The following MAML2 variants were observed in gnomAD, a reference collection of about 807,000 sequenced individuals.
MAML2 encodes mastermind-like protein 2.
In MAML2, 22 loss-of-function variants were observed where a neutral mutation model predicts 96.1. The ratio of observed to expected loss-of-function variants is 0.23; its 90% CI spans 0.16 to 0.33. The LOEUF (loss-of-function observed/expected upper bound fraction) is 0.33. MAML2 is among the 10% of genes least tolerant of loss of function. MAML2 has a pLI of 1.00. For missense variants in MAML2, 1,367 were observed against 1,392.4 expected (o/e 0.98, Z 0.29); for synonymous variants, 561 against 521.3 (o/e 1.08, Z -1.04).
At chr11:96,182,912 A>G (rs1022868416) in intron 1 of MAML2, among the ~76,000 whole-genome samples, 6 of 151,842 alleles carry the variant, frequency 4.0e-5, no homozygotes, top group Non-Finnish European at 7.4e-5. Flanking sequence ...TGATGTAGCA[A>G]TAGAAAACTT....
At chr11:96,329,081 C>T (rs975242130) in intron 1 of MAML2, among the ~76,000 whole-genome samples, 1 of 151,794 alleles carries the variant, frequency 6.6e-6, no homozygotes, top group Non-Finnish European at 1.5e-5. Flanking sequence ...GAATATTTTC[C>T]TTTTTGTTTT....
intron 1 of MAML2, among the ~76,000 whole-genome samples, chr11:96,234,755 T>C (rs1862344228): frequency 6.6e-6 from 1 of 152,228 alleles, no homozygotes; most frequent in South Asian, 2.1e-4. Flanking sequence ...ACAAATATGG[T>C]TGCCTTTCAG....
chr11:96,248,673 A>G (rs1225721754), intron 1 of MAML2, among the ~76,000 whole-genome samples: 1 of 151,994 alleles, frequency 6.6e-6, no homozygotes, highest in Non-Finnish European at 1.5e-5. Flanking sequence ...ATGCCACTGT[A>G]TTTTTTATTT....
intron 1 of MAML2, among the ~76,000 whole-genome samples, chr11:96,115,472 GA>G (rs1860219455): frequency 1.0e-5 from 1 of 98,322 alleles, no homozygotes. Context: ...ACACCTGGCG[GA>G]TTTTTTTTTT....
chr11:96,158,383 G>C (rs1012402228), intron 1 of MAML2, among the ~76,000 whole-genome samples: 10 of 152,178 alleles, frequency 6.6e-5, no homozygotes, highest in African/African-American at 2.4e-4. Flanking sequence ...ATGCTGCCCA[G>C]GTTGACCATC....
chr11:96,178,809 A>T (rs1861435173), intron 1 of MAML2, among the ~76,000 whole-genome samples: 1 of 152,330 alleles, frequency 6.6e-6, no homozygotes, highest in African/African-American at 2.4e-5. Flanking sequence ...AACACGGATT[A>T]GATGTGAGGA....
intron 1 of MAML2, among the ~76,000 whole-genome samples, chr11:96,112,357 C>T (rs989973038): frequency 6.6e-6 from 1 of 152,238 alleles, no homozygotes; most frequent in Admixed American, 6.5e-5. Flanking sequence ...GAAGCATGAC[C>T]TGGGGCAGTG....
chr11:96,266,917 T>G (rs774490682), intron 1 of MAML2, among the ~76,000 whole-genome samples: 2 of 152,206 alleles, frequency 1.3e-5, no homozygotes, highest in Non-Finnish European at 2.9e-5. Context: ...TGAGGCTTAA[T>G]AAAACATAAC....
At chr11:96,331,404 T>C (rs1297138100) in intron 1 of MAML2, among the ~76,000 whole-genome samples, 1 of 152,190 alleles carries the variant, frequency 6.6e-6, no homozygotes, top group Non-Finnish European at 1.5e-5. Flanking sequence ...CTTAATCAAA[T>C]GACTACTTTT....
chr11:96,232,607 C>G (rs1440996201), intron 1 of MAML2, among the ~76,000 whole-genome samples: 1 of 152,088 alleles, frequency 6.6e-6, no homozygotes, highest in Non-Finnish European at 1.5e-5. Flanking sequence ...GTAGCTGGGA[C>G]TACAGGCGCC....
intron 2 of MAML2, among the ~76,000 whole-genome samples, chr11:96,078,780 C>G (rs375580894): frequency 1.3e-5 from 2 of 152,326 alleles, no homozygotes; most frequent in East Asian, 3.9e-4. Flanking sequence ...GCACATGAGA[C>G]CTGTCAGTAA....
rs566585811 is a variant in MAML2 at position 96,072,876 on chromosome 11, G to A, written c.2139+19016C>T. Among the ~76,000 whole-genome samples the A allele has an allele frequency of 5.9e-5, 9 of 152,234 alleles. No individual in the cohort carries two copies. The South Asian group carries it at 8.3e-4, about 14-fold the overall frequency. ...ACATGATAAACTCCATTTGTCACCC[G>A]CTTACATGTGCCTCCAAGACTAAAC... On this transcript the variant is annotated intron_variant, in intron 2 of 4. Coordinates refer to ENST00000524717, the MANE Select transcript of MAML2 (RefSeq NM_032427.4).
intron 1 of MAML2, among the ~76,000 whole-genome samples, chr11:96,184,080 C>T (rs1052072561): frequency 2.0e-5 from 3 of 150,972 alleles, no homozygotes; most frequent in Admixed American, 6.6e-5. Flanking sequence ...GAGGATGGTA[C>T]TCCCGGGCAG....
chr11:96,213,729 C>T (rs916423635), intron 1 of MAML2, among the ~76,000 whole-genome samples: 5 of 152,164 alleles, frequency 3.3e-5, no homozygotes, highest in Non-Finnish European at 7.3e-5. Flanking sequence ...AAGTTCCCCA[C>T]CATTAGTCAT....
intron 1 of MAML2, among the ~76,000 whole-genome samples, chr11:96,299,217 T>C (rs1863353106): frequency 6.6e-6 from 1 of 150,536 alleles, no homozygotes; most frequent in South Asian, 2.1e-4. Context: ...TGAGTGTGAA[T>C]TCAGTCTGTC....
intron 1 of MAML2, among the ~76,000 whole-genome samples, chr11:96,107,795 G>A (rs1168588126): frequency 6.6e-6 from 1 of 152,160 alleles, no homozygotes; most frequent in South Asian, 2.1e-4. Context: ...CAAAAGGACA[G>A]GGTTCAGGAG....
chr11:96,103,398 A>T (rs766317194), intron 1 of MAML2, among the ~76,000 whole-genome samples: 13 of 152,274 alleles, frequency 8.5e-5, no homozygotes, highest in East Asian at 1.9e-4. Flanking sequence ...CCCCTTTATA[A>T]GCCATATAGC....
intron 2 of MAML2, among the ~76,000 whole-genome samples, chr11:95,999,538 T>C (rs1007868761): frequency 6.8e-6 from 1 of 148,088 alleles, no homozygotes; most frequent in African/African-American, 2.5e-5. Context: ...TTTCACAAAG[T>C]AGGCAAAGTT....
chr11:96,318,339 C>G (rs1863658188), intron 1 of MAML2, among the ~76,000 whole-genome samples: 2 of 152,158 alleles, frequency 1.3e-5, no homozygotes, highest in African/African-American at 4.8e-5. Flanking sequence ...AGACTTATGA[C>G]TAAAATCCGA....
Sources: gnomAD v4.1 joint callset for allele counts (sites outside exome capture counted in the v4.1 genomes callset) on GRCh38, gnomAD v4.1.1 for gene constraint, MANE v1.5 for transcripts, NCBI Gene and HGNC (gene_info 2026-07-23, HGNC 2026-07-21) for gene names.